Variants in WDR11 observed in about 807,000 individuals in gnomAD.
The protein encoded by WDR11 is WD repeat-containing protein 11.
Under a neutral mutation model 151.2 loss-of-function variants are expected in WDR11, and 83 were observed. The observed-to-expected ratio is 0.55, with a 90% CI of 0.46 to 0.66. WDR11 has a LOEUF of 0.66. Among genes scored for constraint, WDR11 ranks in the 30% least tolerant of loss-of-function variants. The pLI is 0.00. For missense variants in WDR11, 1,301 were observed against 1,480.9 expected (o/e 0.88, Z 1.99); for synonymous variants, 484 against 533.1 (o/e 0.91, Z 1.27).
intron 23 of WDR11, 101 bp downstream of exon 23, chr10:120,903,333 T>A: frequency 7.0e-7 from 1 of 1,418,648 alleles, no homozygotes; most frequent in Non-Finnish European, 9.7e-7. Flanking sequence ...TAAGTTACTG[T>A]TCAGTAATAG....
At chr10:120,851,723 T>C in intron 1 of WDR11, 1 of 616,368 alleles carries the variant, frequency 1.6e-6, no homozygotes, top group Non-Finnish European at 2.9e-6. Context: ...ACATTTCCCC[T>C]CTTTCTCGCG....
chr10:120,885,123 G>A (rs919444572), intron 14 of WDR11: 6 of 152,302 alleles, frequency 3.9e-5, no homozygotes, highest in African/African-American at 1.4e-4. Flanking sequence ...GTTTTGTCAT[G>A]ATGTGAGTTT....
chr10:120,874,212 GT>G (rs1564703371), intron 11 of WDR11, among the ~76,000 whole-genome samples: 23 of 98,950 alleles, frequency 2.3e-4, no homozygotes, highest in Admixed American at 5.3e-4. Flanking sequence ...GTTGTTGTTT[GT>G]TTTGTTTTGT....
chr10:120,908,630 C>T lies in WDR11; in HGVS notation c.3592C>T (p.Leu1198Phe), dbSNP rs1219706173. The change falls in exon 29 of 29, where the codon CTC becomes TTC. Residue 1198 changes from leucine (L) to phenylalanine (F), a missense_variant. Physicochemically the swap from Leu to Phe is conservative, Grantham distance 22 (BLOSUM62 0). This residue lies in a region of WDR11 where 589 missense variants were observed against 670.6 expected (regional missense o/e 0.88). Coordinates refer to ENST00000263461, the MANE Select transcript of WDR11 (RefSeq NM_018117.12). ...CCTCGGTTTTAAGCAGGGAGCAGTT[C>T]TCTTTGCTTCAAAAGCCGGAGCAGC... ...KNLGFKQGAV[L>F]FASKAGAAGK... The T allele has an allele frequency of 6.2e-7, 1 of 1,614,188 alleles. No individual in the cohort carries two copies. Among genetic ancestry groups the T allele is most frequent in the Non-Finnish European group, 8.5e-7 (1 of 1,180,028 alleles).
At position 120,858,606 on chromosome 10, in the gene WDR11, G is replaced by C. The variant is rs200945364; in HGVS notation, c.199-37G>C. On this transcript the variant is annotated intron_variant, in intron 2 of 28. Transcript: ENST00000263461. ...AAAATTATGTTCTGTTTCATCCAGC[G>C]CAAGTATTTACTTGATCTGATTTCT... is the stretch of plus-strand genomic sequence containing the variant. 15 of 1,612,550 alleles carry C rather than the reference G, an allele frequency of 9.3e-6. No homozygotes were observed. The South Asian group carries it at 1.5e-4, about 17-fold the overall frequency.
rs1846884533 is a variant in WDR11, at chr10:120,878,530, A to G, written c.1663+71A>G. The stretch of plus-strand genomic sequence containing the variant: ...TGTTGCCATTTATAAAACATGTTTG[A>G]AAGTACTTCTTTCACCTTGGAATTT... On this transcript the variant is annotated intron_variant, in intron 12 of 28. Transcript: ENST00000263461. 9.9e-5 allele frequency: 127 copies of G among 1,283,140 alleles called. 1 individual carries two copies. The South Asian group carries it at 1.5e-3, about 15-fold the overall frequency. 79.5% of individuals were successfully genotyped at this position (1,283,140 alleles called of 1,614,324 possible).
Position 120,852,577 on chromosome 10 carries a change from A to T in WDR11, c.140A>T (p.Asp47Val). The T allele has an allele frequency of 6.2e-7, 1 of 1,614,094 alleles. No individual in the cohort carries two copies. The highest frequency in any genetic ancestry group is 1.3e-5 in the African/African-American group (1 of 75,056). The change falls in exon 2 of 29, where the codon GAT becomes GTT. Residue 47 changes from aspartate (D) to valine (V), a missense_variant. Physicochemically the swap from Asp to Val is radical, Grantham distance 152 (BLOSUM62 -3). Around this residue, in one of 3 missense-constraint regions of WDR11, gnomAD observed 692 missense variants for 762.5 expected, o/e 0.91. Coordinates refer to ENST00000263461, the MANE Select transcript of WDR11 (RefSeq NM_018117.12). ...TGTCATTCACTTGTGGTAGTGATTGATTCCATTACTGCCCAAACTCTTCAA... is the reference window on the plus strand; with the variant it reads ...TGTCATTCACTTGTGGTAGTGATTGTTTCCATTACTGCCCAAACTCTTCAA... ...YGCHSLVVVI[D>V]SITAQTLQVL...
rs892373753 is a variant in WDR11 at position 120,908,667 on chromosome 10, T to C, written c.3629T>C (p.Leu1210Ser). Residue 1210 changes from leucine to serine, a missense_variant, in exon 29 of 29, where the codon TTA becomes TCA. Physicochemically the swap from Leu to Ser is moderately radical, Grantham distance 145. Coordinates refer to ENST00000263461, the MANE Select transcript of WDR11 (RefSeq NM_018117.12). ...AAAGCCGGAGCAGCTGGCAAAGACT[T>C]ATTGAATGAGCTTGAGTCCCCCAAG... is the stretch of plus-strand genomic sequence containing the variant. ...ASKAGAAGKD[L>S]LNELESPKEE... 3 of 1,614,222 alleles carry C rather than the reference T, an allele frequency of 1.9e-6. No individual in the cohort carries two copies. The highest frequency in any genetic ancestry group is 1.1e-5 in the South Asian group (1 of 91,080).
chr10:120,872,171 A>G (rs1846569474), intron 10 of WDR11, among the ~76,000 whole-genome samples: 1 of 151,534 alleles, frequency 6.6e-6, no homozygotes, highest in East Asian at 1.9e-4. Context: ...AGTGTTAAAG[A>G]CTCATTTGGG....
At chr10:120,855,459 A>G (rs1845915789) in intron 2 of WDR11, among the ~76,000 whole-genome samples, 2 of 144,848 alleles carry the variant, frequency 1.4e-5, no homozygotes, top group Admixed American at 1.4e-4. Flanking sequence ...TTGTCTTTTT[A>G]CTTTCTTGGT....
intron 1 of WDR11, chr10:120,852,164 G>T: frequency 3.3e-6 from 1 of 307,446 alleles, no homozygotes. Flanking sequence ...GAAGGACTAG[G>T]ATTAGTCGCA....
rs758560182 is a variant in WDR11, at chr10:120,877,037, CAT to C, written c.1557-1315_1557-1314del. ...CAAGATTTGTGCTAAGAATTTCACA[CAT>C]GCTTCTGAAAAATCAAACATGTTGT... On this transcript the variant is annotated intron_variant, in intron 11 of 28. Coordinates refer to ENST00000263461, the MANE Select transcript of WDR11 (RefSeq NM_018117.12). 9.7e-4 allele frequency among the ~76,000 whole-genome samples: 148 copies of C among 152,310 alleles called. 1 individual carries two copies. Among genetic ancestry groups the C allele is most frequent in the African/African-American group, 3.1e-3 (127 of 41,582 alleles).
intron 7 of WDR11, 33 bp downstream of exon 7, chr10:120,865,777 T>G: frequency 1.4e-6 from 2 of 1,423,544 alleles, no homozygotes; most frequent in African/African-American, 1.4e-5. Flanking sequence ...TGTTATATTT[T>G]TCTTCAAAAT....
Position 120,862,756 on chromosome 10 carries a change from T to C in WDR11, c.548T>C (p.Val183Ala), listed in dbSNP as rs773582402. The C allele has an allele frequency of 5.6e-6, 9 of 1,614,138 alleles. No homozygotes were observed. In the South Asian group the frequency reaches 9.9e-5, roughly 18 times the overall value. The change falls in exon 5 of 29, where the codon GTT (valine) becomes GCT (alanine). Residue 183 changes from valine to alanine, a missense_variant. Val to Ala is a moderately conservative substitution (Grantham distance 64). Around this residue, in one of 3 missense-constraint regions of WDR11, gnomAD observed 692 missense variants for 762.5 expected, o/e 0.91. Transcript: ENST00000263461. ...ATAGTGCTTACCAGCGAGGGTATTG[T>C]TTTCATCTCAGACTTCTCCCCATCC... Reference protein sequence around the residue: ...HLTLLTSEGIVFISDFSPSKP... With the variant: ...HLTLLTSEGIAFISDFSPSKP...
In WDR11 at chr10:120,900,093, A is replaced by C. The variant is rs879869972; in HGVS notation, c.2580A>C (p.Leu860Phe). The C allele has an allele frequency of 8.1e-6, 13 of 1,614,042 alleles. 1 individual carries two copies. Among genetic ancestry groups the C allele is most frequent in the Non-Finnish European group, 1.1e-5 (13 of 1,179,958 alleles). ...RASLALKAFL[L>F]HQPWNGQYSL... ...CTCTTGCCTTGAAAGCCTTCTTATTACACCAGCCTTGGAATGGACAGTATT... is the reference window on the plus strand; with the variant it reads ...CTCTTGCCTTGAAAGCCTTCTTATTCCACCAGCCTTGGAATGGACAGTATT... The change falls in exon 20 of 29, where the codon TTA becomes TTC. Residue 860 changes from leucine to phenylalanine, a missense_variant. Leu to Phe is a conservative substitution (Grantham distance 22). Coordinates refer to ENST00000263461, the MANE Select transcript of WDR11 (RefSeq NM_018117.12).
chr10:120,887,390 T>C (rs530167125), intron 16 of WDR11, among the ~76,000 whole-genome samples: 1 of 152,354 alleles, frequency 6.6e-6, no homozygotes, highest in East Asian at 1.9e-4. Context: ...CATAGATAGT[T>C]TTTAATAGAT....
At position 120,851,463 on chromosome 10, in the gene WDR11, C is replaced by T. The variant is rs1038969215; in HGVS notation, c.43C>T (p.Leu15Phe). Residue 15 changes from leucine (L) to phenylalanine (F), a missense_variant, in exon 1 of 29, where the codon CTC becomes TTC. By Grantham distance (22) the Leu-to-Phe change is conservative. This residue lies in a region of WDR11 where 692 missense variants were observed against 762.5 expected (regional missense o/e 0.91). Coordinates refer to ENST00000263461, the MANE Select transcript of WDR11 (RefSeq NM_018117.12). ...TVNFKVSART[L>F]TGALNAHNKA... Reference sequence around the variant, plus strand: ...GAACTTCAAGGTGTCGGCGCGCACCCTCACGGGGGCCCTCAACGCCCACAA... The same window carrying T: ...GAACTTCAAGGTGTCGGCGCGCACCTTCACGGGGGCCCTCAACGCCCACAA... 6.2e-7 allele frequency: 1 copy of T among 1,612,330 alleles called. No individual in the cohort carries two copies. The highest frequency in any genetic ancestry group is 8.5e-7 in the Non-Finnish European group (1 of 1,179,812).
chr10:120,889,430 C>T (rs532875893), intron 17 of WDR11: 31 of 440,458 alleles, frequency 7.0e-5, no homozygotes, highest in East Asian at 2.4e-4. Context: ...TTAGTAGAGA[C>T]GGGATTTCAC....
intron 11 of WDR11, among the ~76,000 whole-genome samples, chr10:120,875,978 C>CTTTTTTTTTTTTTTTTTT (rs67775105): frequency 9.8e-5 from 12 of 122,810 alleles, no homozygotes; most frequent in African/African-American, 3.4e-4. Flanking sequence ...CCTTTTTTTT[C>CTTTTTTTTTTTTTTTTTT]TTTTTTTTTT....
Sources: gnomAD v4.1 joint callset for allele counts (sites outside exome capture counted in the v4.1 genomes callset) on GRCh38, gnomAD v4.1.1 for gene constraint, gnomAD v4.1.1 regional missense constraint, MANE v1.5 for transcripts, NCBI Gene and HGNC (gene_info 2026-07-23, HGNC 2026-07-21) for gene names.